The following RPA2 variants were observed in gnomAD, a reference collection of about 807,000 sequenced individuals.
The protein encoded by RPA2 is replication protein A 32 kDa subunit.
A neutral mutation model predicts 33.4 loss-of-function variants in RPA2; 22 were observed. That is an observed-to-expected ratio of 0.66 (90% confidence interval 0.47 to 0.94). The LOEUF (loss-of-function observed/expected upper bound fraction) is 0.94. RPA2 is among the 40% of genes least tolerant of loss of function. The pLI, the probability that RPA2 is intolerant of heterozygous loss-of-function variation, is 0.00. For synonymous variants in RPA2, 109 were observed against 114.9 expected (o/e 0.95, Z 0.33); for missense variants, 279 against 329.9 (o/e 0.85, Z 1.19).
chr1:27,914,381 G>A, intron 1 of RPA2, 53 bp downstream of exon 1: 1 of 1,613,712 alleles, frequency 6.2e-7, no homozygotes. Flanking sequence ...TCGCCCTCTT[G>A]CTAAAACCTC....
Position 27,892,185 on chromosome 1 carries a change from A to G in RPA2, c.791T>C (p.Phe264Ser), listed in dbSNP as rs1557461116. Reference sequence around the variant, plus strand: ...CAGTTATTCTGCATCTGTGGATTTAAAATGGTCATCATCCACAGTAGAATA... The same window carrying G: ...CAGTTATTCTGCATCTGTGGATTTAGAATGGTCATCATCCACAGTAGAATA... Reference protein sequence around the residue: ...HIYSTVDDDHFKSTDAE With the variant: ...HIYSTVDDDHSKSTDAE The change falls in exon 9 of 9, where the codon TTT becomes TCT. Residue 264 changes from phenylalanine to serine, a missense_variant. Physicochemically the swap from Phe to Ser is radical, Grantham distance 155 (BLOSUM62 -2). Transcript: ENST00000373912. 6.2e-7 allele frequency: 1 copy of G among 1,612,802 alleles called. No homozygotes were observed.
rs111707062 is a variant in RPA2, at chr1:27,901,357, GT to G, written c.334-3651del. 2.1e-3 allele frequency among the ~76,000 whole-genome samples: 310 copies of G among 148,278 alleles called. 4 individuals carry two copies. The highest frequency in any genetic ancestry group is 7.1e-3 in the African/African-American group (288 of 40,628). On this transcript the variant is annotated intron_variant, in intron 4 of 8. Coordinates refer to ENST00000373912, the MANE Select transcript of RPA2 (RefSeq NM_002946.5). Reference sequence around the variant, plus strand: ...ATTATTACAATTTGTTAGCCATAAAGTTTTTTTTTTTCTTCTTTTTTTGAGA... The same window carrying G: ...ATTATTACAATTTGTTAGCCATAAAGTTTTTTTTTTCTTCTTTTTTTGAGA...
At chr1:27,900,549 A>G (rs1405816382) in intron 4 of RPA2, among the ~76,000 whole-genome samples, 2 of 150,300 alleles carry the variant, frequency 1.3e-5, no homozygotes, top group Admixed American at 1.3e-4. Context: ...CTCCACCTTC[A>G]GTGGGGCAAG....
At chr1:27,914,646 G>T, upstream of RPA2, 1 of 1,613,842 alleles carries the variant, frequency 6.2e-7, no homozygotes, top group East Asian at 2.2e-5. Context: ...GCTTGTTCCT[G>T]TCTCCTCTGC....
chr1:27,893,730 C>G (rs1398556325), intron 8 of RPA2, among the ~76,000 whole-genome samples: 1 of 151,412 alleles, frequency 6.6e-6, no homozygotes, highest in Non-Finnish European at 1.5e-5. Context: ...GCCTTAGCCT[C>G]CGGAGTGGCC....
intron 8 of RPA2, among the ~76,000 whole-genome samples, chr1:27,893,227 G>A (rs28904902): frequency 4.3e-4 from 65 of 152,308 alleles, no homozygotes; most frequent in African/African-American, 1.4e-3. Context: ...GTGATGTGAT[G>A]GGTAGCACCA....
In RPA2 at chr1:27,897,010, T is replaced by G. The variant is rs749244686; in HGVS notation, c.520A>C (p.Ser174Arg). 1 of 1,605,308 alleles carries G rather than the reference T, an allele frequency of 6.2e-7. No individual in the cohort carries two copies. The change falls in exon 6 of 9, where the codon AGC becomes CGC. Residue 174 changes from serine to arginine, a missense_variant. Transcript: ENST00000373912. ...NAHMVLSKAN[S>R]QPSAGRAPIS... Reference sequence around the variant, plus strand: ...AGGAAAGCGAGACTACTCACCTGGCTGTTGGCTTTGCTTAGTACCATGTGT... The same window carrying G: ...AGGAAAGCGAGACTACTCACCTGGCGGTTGGCTTTGCTTAGTACCATGTGT...
At chr1:27,914,388 C>T (rs2090141883) in intron 1 of RPA2, 46 bp downstream of exon 1, 3 of 1,613,772 alleles carry the variant, frequency 1.9e-6, no homozygotes, top group Non-Finnish European at 2.5e-6. Flanking sequence ...CTTGCTAAAA[C>T]CTCCTGCGAT....
At position 27,892,089 on chromosome 1, in the gene RPA2, A is replaced by G; in HGVS notation, c.*74T>C. 2 of 1,271,254 alleles carry G rather than the reference A, an allele frequency of 1.6e-6. No homozygotes were observed. The highest frequency in any genetic ancestry group is 2.5e-5 in the South Asian group (2 of 80,872). 78.7% of individuals were successfully genotyped at this position (1,271,254 alleles called of 1,614,324 possible). Reference sequence around the variant, plus strand: ...TCCTAGAAGCCCCCTGGCCAGACATATGCAGAGCTGGAGACAACAGATTGT... The same window carrying G: ...TCCTAGAAGCCCCCTGGCCAGACATGTGCAGAGCTGGAGACAACAGATTGT... On this transcript the variant is annotated 3_prime_UTR_variant, in exon 9 of 9. Transcript: ENST00000373912.
chr1:27,903,984 G>C (rs990972285), intron 4 of RPA2, among the ~76,000 whole-genome samples: 2 of 151,626 alleles, frequency 1.3e-5, no homozygotes, highest in Non-Finnish European at 2.9e-5. Context: ...GACCAATACA[G>C]AGAAACCCTG....
chr1:27,911,920 G>A (rs1034677986), intron 2 of RPA2, among the ~76,000 whole-genome samples: 2 of 151,750 alleles, frequency 1.3e-5, no homozygotes, highest in Admixed American at 1.3e-4. Flanking sequence ...GTACAACCCT[G>A]TCTCTACTAA....
At chr1:27,894,259 G>T (rs1571603279) in intron 7 of RPA2, 31 bp downstream of exon 7, 2 of 1,590,396 alleles carry the variant, frequency 1.3e-6, no homozygotes, top group Non-Finnish European at 1.7e-6. Context: ...TCTGTGTTTT[G>T]TATTTCTGAA....
At chr1:27,900,611 T>G (rs12067053) in intron 4 of RPA2, among the ~76,000 whole-genome samples, 66,449 of 151,850 alleles carry the variant, frequency 0.44, 15,174 homozygotes, top group African/African-American at 0.58. Flanking sequence ...GAAATGGAGC[T>G]TAAAGATATA....
At chr1:27,907,303 A>G in intron 2 of RPA2, 21 bp from the exon 3 acceptor site, 5 of 1,579,230 alleles carry the variant, frequency 3.2e-6, no homozygotes, top group Non-Finnish European at 4.3e-6. Context: ...AAAACATGCA[A>G]AATTCAATTA....
chr1:27,895,685 C>G (rs1056061973), intron 6 of RPA2, among the ~76,000 whole-genome samples: 2 of 151,960 alleles, frequency 1.3e-5, no homozygotes, highest in Admixed American at 6.6e-5. Context: ...GAGCCGAGAT[C>G]GCACCACTGC....
intron 4 of RPA2, among the ~76,000 whole-genome samples, chr1:27,904,527 T>C (rs1370401299): frequency 6.6e-6 from 1 of 152,192 alleles, no homozygotes; most frequent in Non-Finnish European, 1.5e-5. Context: ...TCAGAATTGG[T>C]ACTCCAACAA....
chr1:27,896,955 C>G, intron 6 of RPA2, 50 bp downstream of exon 6: 1 of 1,364,056 alleles, frequency 7.3e-7, no homozygotes, highest in Non-Finnish European at 1.0e-6. Flanking sequence ...ACAAAAGTAG[C>G]CTGTGTTCTT....
intron 2 of RPA2, among the ~76,000 whole-genome samples, chr1:27,908,718 GA>G (rs1261902432): frequency 2.2e-4 from 33 of 152,170 alleles, no homozygotes; most frequent in African/African-American, 7.7e-4. Context: ...GGCTGGTCTC[GA>G]ACACCTGACC....
chr1:27,914,682 G>T, upstream of RPA2: 1 of 1,612,524 alleles, frequency 6.2e-7, no homozygotes, highest in Non-Finnish European at 8.5e-7. Flanking sequence ...CGCGTACTGC[G>T]CTCCCAGTTG....
Sources: gnomAD v4.1 joint callset for allele counts (sites outside exome capture counted in the v4.1 genomes callset) on GRCh38, gnomAD v4.1.1 for gene constraint, MANE v1.5 for transcripts, NCBI Gene and HGNC (gene_info 2026-07-23, HGNC 2026-07-21) for gene names.